The following GNE variants were observed in gnomAD, a reference collection of about 807,000 sequenced individuals.
GNE encodes bifunctional UDP-N-acetylglucosamine 2-epimerase/N-acetylmannosamine kinase.
In GNE, 41 loss-of-function variants were observed where a neutral mutation model predicts 61.8. The observed-to-expected ratio is 0.66, with a 90% CI of 0.52 to 0.86. The LOEUF (loss-of-function observed/expected upper bound fraction) is 0.86, where lower values mean the gene tolerates loss of function less well. Among genes scored for constraint, GNE ranks in the 40% least tolerant of loss-of-function variants. GNE has a pLI of 0.00. For synonymous variants in GNE, 264 were observed against 326.4 expected (o/e 0.81, Z 2.06); for missense variants, 608 against 909.1 (o/e 0.67, Z 4.26).
intron 1 of GNE, chr9:36,265,613 CTT>C: frequency 2.8e-6 from 1 of 353,584 alleles, no homozygotes; most frequent in Non-Finnish European, 6.0e-6. Flanking sequence ...AGCCACAACA[CTT>C]TTAATTACCA....
intron 1 of GNE, chr9:36,265,448 C>T (rs1396187464): frequency 4.4e-6 from 2 of 456,654 alleles, no homozygotes; most frequent in Non-Finnish European, 8.8e-6. Context: ...AAGGATGTTG[C>T]CATGTATGTG....
At chr9:36,272,059 C>T (rs530155886) in intron 1 of GNE, among the ~76,000 whole-genome samples, 48 of 152,240 alleles carry the variant, frequency 3.2e-4, no homozygotes, top group Non-Finnish European at 5.0e-4. Context: ...GGCTCACGAT[C>T]GTAGTAACAC....
intron 7 of GNE, among the ~76,000 whole-genome samples, chr9:36,226,982 G>A (rs1828895748): frequency 1.3e-5 from 2 of 152,152 alleles, no homozygotes; most frequent in African/African-American, 2.4e-5. Context: ...TCTTTTGGGT[G>A]GCAAAAGCCC....
At chr9:36,276,557 T>G (rs1290255621) in intron 1 of GNE, among the ~76,000 whole-genome samples, 1 of 152,174 alleles carries the variant, frequency 6.6e-6, no homozygotes, top group African/African-American at 2.4e-5. Flanking sequence ...TTGCATGTTT[T>G]GGAAATAAAC....
Position 36,252,449 on chromosome 9 carries a change from T to C in GNE, c.-42-3052A>G, listed in dbSNP as rs571628265. Among the ~76,000 whole-genome samples, 316 of 152,334 alleles carry C rather than the reference T, an allele frequency of 2.1e-3. 1 individual carries two copies. The highest frequency in any genetic ancestry group is 7.3e-3 in the African/African-American group (305 of 41,580). ...AAATCATTCATGGTTTGTCAATTTGTATTTATTTTACAAAGAACAGTAAAT... is the reference window on the plus strand; with the variant it reads ...AAATCATTCATGGTTTGTCAATTTGCATTTATTTTACAAAGAACAGTAAAT... On this transcript the variant is annotated intron_variant, in intron 1 of 11. Coordinates refer to ENST00000642385, the MANE Select transcript of GNE (RefSeq NM_005476.7).
chr9:36,216,655 T>G lies in GNE; in HGVS notation c.*710A>C, dbSNP rs1828313528. 1 of 109,236 alleles carries G rather than the reference T, an allele frequency of 9.2e-6. No homozygotes were observed. The highest frequency in any genetic ancestry group is 2.0e-5 in the Non-Finnish European group (1 of 49,050). 6.8% of individuals were successfully genotyped at this position (109,236 alleles called of 1,614,324 possible). A position where few individuals can be genotyped will look rare whatever the true frequency, so the allele number is the denominator to read the frequency against. The stretch of plus-strand genomic sequence containing the variant: ...CAGCTGGAAGGATTATTATTATTAT[T>G]ATTATTATTATTATTATTTATTATT... On this transcript the variant is annotated 3_prime_UTR_variant, in exon 12 of 12. Coordinates refer to ENST00000642385, the MANE Select transcript of GNE (RefSeq NM_005476.7).
At chr9:36,229,561 A>G (rs188412304) in intron 5 of GNE, among the ~76,000 whole-genome samples, 11 of 152,316 alleles carry the variant, frequency 7.2e-5, no homozygotes, top group African/African-American at 2.6e-4. Flanking sequence ...ACACTGTTCA[A>G]TGGGTTTGGC....
chr9:36,270,947 TCCTG>T lies in GNE; in HGVS notation c.51+5943_51+5946del, dbSNP rs1233874219. ...GGATTACTCTATTTCTTCTTGTCCT[TCCTG>T]CCTGCATTCCCTCGCTCCTTTCATC... On this transcript the variant is annotated intron_variant, in intron 1 of 11. Transcript: ENST00000396594. Among the ~76,000 whole-genome samples, 20 of 152,340 alleles carry T rather than the reference TCCTG, an allele frequency of 1.3e-4. No individual in the cohort carries two copies. In the East Asian group the frequency reaches 3.7e-3, roughly 28 times the overall value.
intron 1 of GNE, 54 bp downstream of exon 1, chr9:36,258,267 C>T: frequency 1.0e-6 from 1 of 959,896 alleles, no homozygotes. Context: ...GGAGGCGGCC[C>T]TGGGGGTGGG....
chr9:36,255,164 T>A (rs1330153205), intron 1 of GNE, among the ~76,000 whole-genome samples: 1 of 152,194 alleles, frequency 6.6e-6, no homozygotes, highest in African/African-American at 2.4e-5. Flanking sequence ...CTTTGTAAAA[T>A]AAATATAAAT....
At chr9:36,236,805 C>T in intron 4 of GNE, 27 bp downstream of exon 4, 1 of 1,606,912 alleles carries the variant, frequency 6.2e-7, no homozygotes, top group Non-Finnish European at 8.5e-7. Context: ...AAGTAGGTGG[C>T]ATAATTTCAT....
At chr9:36,243,687 T>A (rs1046980595) in intron 3 of GNE, among the ~76,000 whole-genome samples, 2 of 151,908 alleles carry the variant, frequency 1.3e-5, no homozygotes, top group African/African-American at 4.8e-5. Flanking sequence ...TACAAAAAAA[T>A]TTTAAAAATT....
intron 11 of GNE, among the ~76,000 whole-genome samples, chr9:36,217,927 C>G (rs1236365927): frequency 6.6e-6 from 1 of 152,198 alleles, no homozygotes; most frequent in Middle Eastern, 3.2e-3. Flanking sequence ...CTATATTTCT[C>G]TAAATTTCCT....
chr9:36,247,302 G>A (rs180993057), intron 2 of GNE, among the ~76,000 whole-genome samples: 2 of 151,722 alleles, frequency 1.3e-5, no homozygotes, highest in African/African-American at 4.8e-5. Context: ...TGATCCGCCC[G>A]CCTCGTCCTC....
chr9:36,253,506 G>C (rs141999746), intron 1 of GNE, among the ~76,000 whole-genome samples: 37 of 151,330 alleles, frequency 2.4e-4, no homozygotes, highest in Middle Eastern at 3.4e-3. Context: ...TCAAACTCCT[G>C]ACCTCACATG....
intron 7 of GNE, among the ~76,000 whole-genome samples, chr9:36,226,089 C>G (rs534209507): frequency 6.6e-6 from 1 of 152,120 alleles, no homozygotes; most frequent in Non-Finnish European, 1.5e-5. Flanking sequence ...AATGGGAATG[C>G]CTCTAGAATT....
intron 1 of GNE, among the ~76,000 whole-genome samples, chr9:36,267,189 G>A (rs1830835150): frequency 6.6e-6 from 1 of 152,166 alleles, no homozygotes; most frequent in African/African-American, 2.4e-5. Flanking sequence ...ACTTATAACT[G>A]GAAGATAATC....
At chr9:36,243,073 C>A (rs1829715127) in intron 3 of GNE, among the ~76,000 whole-genome samples, 1 of 151,906 alleles carries the variant, frequency 6.6e-6, no homozygotes, top group African/African-American at 2.4e-5. Context: ...GAGACAGGGT[C>A]TTATTCTGTC....
chr9:36,233,116 C>G (rs1355860533), intron 5 of GNE, among the ~76,000 whole-genome samples: 1 of 152,202 alleles, frequency 6.6e-6, no homozygotes, highest in Non-Finnish European at 1.5e-5. Context: ...TCCATTACAG[C>G]TTCCATTAAA....
Sources: gnomAD v4.1 joint callset for allele counts (sites outside exome capture counted in the v4.1 genomes callset) on GRCh38, gnomAD v4.1.1 for gene constraint, MANE v1.5 for transcripts, NCBI Gene and HGNC (gene_info 2026-07-23, HGNC 2026-07-21) for gene names.